The following FAM131B variants were observed in gnomAD, a reference collection of about 807,000 sequenced individuals.
The protein encoded by FAM131B is family with sequence similarity 131 member B.
A neutral mutation model predicts 42.0 loss-of-function variants in FAM131B; 19 were observed. That is an observed-to-expected ratio of 0.45 (90% CI 0.32 to 0.66). The LOEUF (loss-of-function observed/expected upper bound fraction) is 0.66, where lower values mean the gene tolerates loss of function less well. FAM131B is among the 30% of genes least tolerant of loss of function. The pLI, the probability that FAM131B is intolerant of heterozygous loss-of-function variation, is 0.05. For missense variants in FAM131B, 370 were observed against 468.4 expected (o/e 0.79, Z 1.94); for synonymous variants, 183 against 177.6 (o/e 1.03, Z -0.24).
rs534174916 is a variant in FAM131B at position 143,356,621 on chromosome 7, G to A, written c.1012C>T (p.Arg338Trp). 3.1e-5 allele frequency: 50 copies of A among 1,613,860 alleles called. No homozygotes were observed. The highest frequency in any genetic ancestry group is 8.3e-5 in the Admixed American group (5 of 59,982). The change falls in exon 7 of 7, where the codon CGG becomes TGG. Residue 338 changes from arginine to tryptophan, a missense_variant. By Grantham distance (101) the Arg-to-Trp change is moderately radical. Coordinates refer to ENST00000443739, the MANE Select transcript of FAM131B (RefSeq NM_001031690.3). This position sits in a 1 kb window ranked among gnomAD's most constrained non-coding sequence, Gnocchi z 4.4. ...EDPEMSTALSRKVSDVTSSGV... is the reference protein window; with the variant it reads ...EDPEMSTALSWKVSDVTSSGV... ...GAGGATGTGACGTCAGACACCTTCC[G>A]GCTGAGAGCGGTAGACATCTCAGGG...
rs761430864 is a variant in FAM131B, at chr7:143,356,779, G to A, written c.854C>T (p.Thr285Ile). 6.2e-7 allele frequency: 1 copy of A among 1,614,130 alleles called. No homozygotes were observed. The highest frequency in any genetic ancestry group is 1.1e-5 in the South Asian group (1 of 91,072). The change falls in exon 7 of 7, where the codon ACT becomes ATT. Residue 285 changes from threonine (T) to isoleucine (I), a missense_variant. Transcript: ENST00000443739. This position sits in a 1 kb window ranked among gnomAD's most constrained non-coding sequence, Gnocchi z 4.4. ...LEPPPLLGGD[T>I]DWAPGVGAVD... ...TGCGCCTACCCCCGGAGCCCAGTCA[G>A]TGTCTCCCCCCAGCAAAGGTGGAGG... is the stretch of plus-strand genomic sequence containing the variant.
the FAM131B span, chr7:143,380,724 G>A: frequency 5.1e-6 from 5 of 985,314 alleles, no homozygotes; most frequent in African/African-American, 7.0e-5. This position sits in a 1 kb window ranked among gnomAD's most constrained non-coding sequence, Gnocchi z 5.0. Context: ...CACCCCCTCC[G>A]GGCACAGAGT....
At chr7:143,357,217 G>C in intron 6 of FAM131B, 63 bp downstream of exon 6, 2 of 1,530,076 alleles carry the variant, frequency 1.3e-6, no homozygotes, top group Non-Finnish European at 1.8e-6. Flanking sequence ...CTGAGTGGAG[G>C]CAGCTGAGAT....
At chr7:143,380,156 T>A in the FAM131B span, 2 of 983,164 alleles carry the variant, frequency 2.0e-6, no homozygotes, top group African/African-American at 3.5e-5. The surrounding 1 kb of genome is among the most constrained non-coding windows in gnomAD (Gnocchi z 5.0). Context: ...CATACTGGAC[T>A]AGCGGGCGAA....
chr7:143,380,775 C>G, the FAM131B span: 2 of 985,190 alleles, frequency 2.0e-6, no homozygotes, highest in Non-Finnish European at 2.4e-6. This position sits in a 1 kb window ranked among gnomAD's most constrained non-coding sequence, Gnocchi z 5.0. Flanking sequence ...CCGCTCCTCA[C>G]CCCCCATCCC....
At chr7:143,375,518 G>T in the FAM131B span, among the ~76,000 whole-genome samples, 5 of 152,262 alleles carry the variant, frequency 3.3e-5, no homozygotes, top group East Asian at 9.7e-4. Flanking sequence ...CTACAGACAG[G>T]GTGGCAGGAA....
At chr7:143,378,542 C>A in the FAM131B span, among the ~76,000 whole-genome samples, 1 of 149,258 alleles carries the variant, frequency 6.7e-6, no homozygotes, top group Non-Finnish European at 1.5e-5. Context: ...GCCCAGCAAT[C>A]GTTAAGGCCA....
intron 6 of FAM131B, 115 bp from the exon 7 acceptor site, chr7:143,357,137 C>A: frequency 8.9e-7 from 1 of 1,120,784 alleles, no homozygotes; most frequent in South Asian, 1.4e-5. Flanking sequence ...CAGTAAGACA[C>A]AGAGTGCACA....
chr7:143,356,927 C>G lies in FAM131B; in HGVS notation c.706G>C (p.Asp236His), dbSNP rs147792476. 2 of 1,613,954 alleles carry G rather than the reference C, an allele frequency of 1.2e-6. No individual in the cohort carries two copies. The highest frequency in any genetic ancestry group is 2.7e-5 in the African/African-American group (2 of 74,930). ...LGSSDAWEAS[D>H]QSLIASPATG... is the part of the protein sequence containing the mutation. ...GCCGGAGAGGCAATGAGGGACTGAT[C>G]GCTGGCTTCCCAGGCATCTGACGAC... Residue 236 changes from aspartate (D) to histidine (H), a missense_variant, in exon 7 of 7, where the codon GAT becomes CAT. Coordinates refer to ENST00000443739, the MANE Select transcript of FAM131B (RefSeq NM_001031690.3). The surrounding 1 kb of genome is among the most constrained non-coding windows in gnomAD (Gnocchi z 4.4).
chr7:143,360,366 A>C, intron 1 of FAM131B: 1 of 1,406,772 alleles, frequency 7.1e-7, no homozygotes, highest in Admixed American at 3.0e-5. Context: ...AAAGTGATGT[A>C]TGGCCTTATT....
chr7:143,370,564 C>T, the FAM131B span, among the ~76,000 whole-genome samples: 1 of 152,324 alleles, frequency 6.6e-6, no homozygotes, highest in African/African-American at 2.4e-5. Flanking sequence ...CCCGCCAAAA[C>T]CGAAATGGCG....
At chr7:143,374,817 T>C in the FAM131B span, among the ~76,000 whole-genome samples, 1 of 152,172 alleles carries the variant, frequency 6.6e-6, no homozygotes, top group Non-Finnish European at 1.5e-5. Flanking sequence ...ATACTTAACT[T>C]CTGCTTACCG....
chr7:143,381,334 C>G, the FAM131B span: 5 of 1,137,334 alleles, frequency 4.4e-6, no homozygotes, highest in African/African-American at 6.6e-5. Context: ...GAGGCTGCTC[C>G]GGACCGGGAC....
chr7:143,378,608 C>G, the FAM131B span, among the ~76,000 whole-genome samples: 3 of 136,150 alleles, frequency 2.2e-5, no homozygotes, highest in Admixed American at 2.5e-4. Flanking sequence ...GAGTCTCACT[C>G]TGTTGCCCAG....
At chr7:143,363,236 A>C (rs1804082701), upstream of FAM131B, among the ~76,000 whole-genome samples, 1 of 152,124 alleles carries the variant, frequency 6.6e-6, no homozygotes, top group Admixed American at 6.5e-5. Context: ...CGAGTGCGCT[A>C]TTTTGTCCAT....
At chr7:143,379,024 A>G in the FAM131B span, among the ~76,000 whole-genome samples, 1 of 152,214 alleles carries the variant, frequency 6.6e-6, no homozygotes, top group Admixed American at 6.5e-5. Context: ...CCGCATTCTG[A>G]ATGCTCTTAG....
At chr7:143,367,091 G>A (rs1336705522), upstream of FAM131B, among the ~76,000 whole-genome samples, 1 of 152,118 alleles carries the variant, frequency 6.6e-6, no homozygotes, top group African/African-American at 2.4e-5. Flanking sequence ...GTTCTCCCCC[G>A]ACCCCTACCT....
the FAM131B span, chr7:143,380,419 A>T: frequency 5.1e-6 from 5 of 984,930 alleles, no homozygotes; most frequent in Non-Finnish European, 6.0e-6. The surrounding 1 kb of genome is among the most constrained non-coding windows in gnomAD (Gnocchi z 5.0). Context: ...AGAATGCCCA[A>T]GAGCCCCACC....
At chr7:143,376,620 T>C in the FAM131B span, among the ~76,000 whole-genome samples, 1 of 152,186 alleles carries the variant, frequency 6.6e-6, no homozygotes, top group East Asian at 1.9e-4. Context: ...TGCTGTGTGC[T>C]TCACCCAGAC....
Sources: gnomAD v4.1 joint callset for allele counts (sites outside exome capture counted in the v4.1 genomes callset) on GRCh38, gnomAD v4.1.1 for gene constraint, Gnocchi (gnomAD v3.1) non-coding constraint, MANE v1.5 for transcripts, NCBI Gene and HGNC (gene_info 2026-07-23, HGNC 2026-07-21) for gene names.